ACTR2: variants seen among roughly 807,000 people sequenced by gnomAD.
The protein encoded by ACTR2 is actin related protein 2, also known as actin-related protein 2.
ACTR2 carries 5 observed loss-of-function variants against 50.2 expected under a neutral mutation model. The ratio of observed to expected loss-of-function variants is 0.10; its 90% CI spans 0.05 to 0.21. ACTR2 has a LOEUF of 0.21. Among genes scored for constraint, ACTR2 ranks in the 10% least tolerant of loss-of-function variants. ACTR2 has a pLI of 1.00. For missense variants in ACTR2, 180 were observed against 480.6 expected, an observed-to-expected ratio of 0.37 and a Z score of 5.85; for synonymous variants, 140 against 162.9, an observed-to-expected ratio of 0.86 and a Z score of 1.07.
At chr2:65,246,847 C>T (rs888924405) in intron 3 of ACTR2, 108 bp downstream of exon 3, 4 of 811,778 alleles carry the variant, frequency 4.9e-6, no homozygotes, top group Non-Finnish European at 7.7e-6. Flanking sequence ...AATTGTTTTC[C>T]TTCAGATCTT....
rs141180056 is a variant in ACTR2 at position 65,249,430 on chromosome 2, A to T, written c.376-1597A>T. On this transcript the variant is annotated intron_variant, in intron 3 of 8. Coordinates refer to ENST00000260641, the MANE Select transcript of ACTR2 (RefSeq NM_005722.4). ...ATATGTCTATGACTGATAGTGTCCT[A>T]CCTTAATCTCATTAACATGCTTTCA... Among the ~76,000 whole-genome samples the T allele has an allele frequency of 4.6e-4, 70 of 152,298 alleles. 1 individual carries two copies. Among genetic ancestry groups the T allele is most frequent in the Non-Finnish European group, 7.5e-4 (51 of 68,020 alleles).
chr2:65,255,112 C>T lies in ACTR2; in HGVS notation c.586-433C>T, dbSNP rs554819079. Among the ~76,000 whole-genome samples the T allele has an allele frequency of 2.0e-5, 3 of 152,202 alleles. No homozygotes were observed. In the East Asian group the frequency reaches 5.8e-4, roughly 29 times the overall value. ...ATGCTATTGTCCTTCTAATATGTGCCAGACACAGTACTAGAAGCTAAAGAT... is the reference window on the plus strand; with the variant it reads ...ATGCTATTGTCCTTCTAATATGTGCTAGACACAGTACTAGAAGCTAAAGAT... On this transcript the variant is annotated intron_variant, in intron 5 of 8. Coordinates refer to ENST00000260641, the MANE Select transcript of ACTR2 (RefSeq NM_005722.4).
At chr2:65,244,571 C>T (rs1340488118) in intron 2 of ACTR2, among the ~76,000 whole-genome samples, 1 of 152,194 alleles carries the variant, frequency 6.6e-6, no homozygotes, top group Non-Finnish European at 1.5e-5. Flanking sequence ...TACCAGTATA[C>T]TTCTCCCTGA....
intron 4 of ACTR2, among the ~76,000 whole-genome samples, chr2:65,251,335 A>T (rs933928890): frequency 6.6e-6 from 1 of 152,150 alleles, no homozygotes; most frequent in African/African-American, 2.4e-5. Context: ...CTTATTTTTT[A>T]AAAAATAGGA....
chr2:65,243,845 G>C (rs973668149), intron 2 of ACTR2, among the ~76,000 whole-genome samples: 4 of 152,024 alleles, frequency 2.6e-5, no homozygotes, highest in African/African-American at 9.7e-5. Context: ...CATTGTTTCA[G>C]ATAGGTGATG....
chr2:65,240,382 C>A (rs1370190204), intron 2 of ACTR2, among the ~76,000 whole-genome samples: 1 of 152,056 alleles, frequency 6.6e-6, no homozygotes, highest in Non-Finnish European at 1.5e-5. Context: ...ATGGCCTGAT[C>A]CCTCTACTTT....
At chr2:65,267,858 T>A (rs560709676) in intron 8 of ACTR2, among the ~76,000 whole-genome samples, 1 of 134,650 alleles carries the variant, frequency 7.4e-6, no homozygotes, top group Non-Finnish European at 1.6e-5. Flanking sequence ...GTCATGCAAG[T>A]CCTCTTTTTT....
At chr2:65,228,259 G>A (rs765657419) in intron 1 of ACTR2, 91 of 339,420 alleles carry the variant, frequency 2.7e-4, no homozygotes, top group Non-Finnish European at 4.2e-4. Context: ...TAATGCGGGG[G>A]CAATTGGGCT....
At chr2:65,232,186 G>A (rs1573145714) in intron 1 of ACTR2, among the ~76,000 whole-genome samples, 1 of 152,184 alleles carries the variant, frequency 6.6e-6, no homozygotes, top group South Asian at 2.1e-4. Context: ...TCCTCTTCAC[G>A]AGCTAGGCCC....
intron 3 of ACTR2, among the ~76,000 whole-genome samples, chr2:65,250,672 C>CA (rs368589131): frequency 0.67 from 57,084 of 84,896 alleles, 18,808 homozygotes; most frequent in East Asian, 0.75. Context: ...GACTTCATCT[C>CA]AAAAAAAAAA....
chr2:65,230,296 T>G (rs1158669306), intron 1 of ACTR2, among the ~76,000 whole-genome samples: 6 of 152,150 alleles, frequency 3.9e-5, no homozygotes, highest in Admixed American at 3.9e-4. Context: ...GTCAAGCCAG[T>G]TATATTTTAA....
At chr2:65,254,543 T>C (rs1672112048) in intron 5 of ACTR2, among the ~76,000 whole-genome samples, 1 of 152,216 alleles carries the variant, frequency 6.6e-6, no homozygotes, top group South Asian at 2.1e-4. Flanking sequence ...TATACCACAA[T>C]TCTATAATCA....
At chr2:65,264,048 CTG>C (rs1421256628) in intron 7 of ACTR2, among the ~76,000 whole-genome samples, 1 of 152,094 alleles carries the variant, frequency 6.6e-6, no homozygotes, top group South Asian at 2.1e-4. Context: ...GAGTGAGACT[CTG>C]TATTAAAAAA....
intron 8 of ACTR2, among the ~76,000 whole-genome samples, chr2:65,265,782 A>G (rs1268368626): frequency 6.6e-6 from 1 of 152,246 alleles, no homozygotes; most frequent in Admixed American, 6.5e-5. Flanking sequence ...ACTCTGGACT[A>G]TGTGAAGTAT....
chr2:65,251,215 A>G (rs1028007844), intron 4 of ACTR2, 116 bp downstream of exon 4: 2 of 519,552 alleles, frequency 3.8e-6, no homozygotes, highest in Non-Finnish European at 3.4e-6. Flanking sequence ...TACATTATTT[A>G]TATACCACAC....
At position 65,242,745 on chromosome 2, in the gene ACTR2, T is replaced by C. The variant is rs999670651; in HGVS notation, c.159+2783T>C. ...GCTTGCTGGTCTTATCTCAGACATT[T>C]AACTCTTCATTGTATTTTTCTGTGA... On this transcript the variant is annotated intron_variant, in intron 2 of 8. Transcript: ENST00000260641. 3.6e-5 allele frequency: 15 copies of C among 414,242 alleles called. No homozygotes were observed. The East Asian group carries it at 1.0e-3, about 28-fold the overall frequency. The allele number at this position is 414,242 out of a possible 1,614,324, so 25.7% of individuals were successfully genotyped here. A position where few individuals can be genotyped will look rare whatever the true frequency, so the allele number is the denominator to read the frequency against.
intron 1 of ACTR2, among the ~76,000 whole-genome samples, chr2:65,230,249 T>C (rs1038031972): frequency 1.3e-5 from 2 of 152,096 alleles, no homozygotes; most frequent in South Asian, 2.1e-4. Context: ...TTTAAAATTT[T>C]TTGTTTTGTG....
intron 2 of ACTR2, among the ~76,000 whole-genome samples, chr2:65,241,320 G>A (rs1293682869): frequency 1.3e-5 from 2 of 152,116 alleles, no homozygotes; most frequent in African/African-American, 2.4e-5. Context: ...GAGGTATGAA[G>A]AAATATCATG....
chr2:65,270,234 G>T lies in ACTR2; in HGVS notation c.*1500G>T, dbSNP rs1265849594. The T allele has an allele frequency of 6.6e-6, 1 of 152,546 alleles. No homozygotes were observed. Among genetic ancestry groups the T allele is most frequent in the Admixed American group, 6.5e-5 (1 of 15,268 alleles). 9.4% of individuals were successfully genotyped at this position (152,546 alleles called of 1,614,324 possible). ...ACTAATAATAGCTTTGAAAGAAGAG[G>T]CTTAATTTGGGGGTGGTAACTAAAA... On this transcript the variant is annotated 3_prime_UTR_variant, in exon 9 of 9. Transcript: ENST00000260641.
Sources: gnomAD v4.1 joint callset for allele counts (sites outside exome capture counted in the v4.1 genomes callset) on GRCh38, gnomAD v4.1.1 for gene constraint, MANE v1.5 for transcripts, NCBI Gene and HGNC (gene_info 2026-07-23, HGNC 2026-07-21) for gene names.